ZMYM2: variants seen among roughly 807,000 people sequenced by gnomAD.
The protein encoded by ZMYM2 is zinc finger MYM-type containing 2.
A neutral mutation model predicts 162.8 loss-of-function variants in ZMYM2; 56 were observed. The ratio of observed to expected loss-of-function variants is 0.34; its 90% CI spans 0.28 to 0.43. The LOEUF (loss-of-function observed/expected upper bound fraction) is 0.43, where lower values mean the gene tolerates loss of function less well. ZMYM2 is among the 20% of genes least tolerant of loss of function. The pLI is 1.00. For missense variants in ZMYM2, 1,275 were observed against 1,621.8 expected (o/e 0.79, Z 3.67); for synonymous variants, 510 against 541.6 (o/e 0.94, Z 0.81).
At chr13:19,977,486 C>T (rs1956892334) in intron 2 of ZMYM2, among the ~76,000 whole-genome samples, 2 of 149,334 alleles carry the variant, frequency 1.3e-5, no homozygotes, top group African/African-American at 2.5e-5. Context: ...ATGTTTTTTC[C>T]TTTCCATTTC....
At chr13:19,985,576 G>A (rs866349068) in intron 2 of ZMYM2, among the ~76,000 whole-genome samples, 6 of 152,126 alleles carry the variant, frequency 3.9e-5, no homozygotes, top group African/African-American at 1.4e-4. Flanking sequence ...GCACAGTGGC[G>A]CCTGTAATCC....
the ZMYM2 span, among the ~76,000 whole-genome samples, chr13:19,903,466 C>G: frequency 7.1e-6 from 1 of 140,976 alleles, no homozygotes; most frequent in East Asian, 2.0e-4. Context: ...GGTGAAACCC[C>G]ATCTCCACTA....
At chr13:19,985,657 A>C (rs1462873214) in intron 2 of ZMYM2, among the ~76,000 whole-genome samples, 1 of 150,710 alleles carries the variant, frequency 6.6e-6, no homozygotes, top group Non-Finnish European at 1.5e-5. Flanking sequence ...AGCCGAGATC[A>C]TGCCACGGCA....
the ZMYM2 span, among the ~76,000 whole-genome samples, chr13:19,947,410 C>A: frequency 6.7e-6 from 1 of 149,884 alleles, no homozygotes; most frequent in Non-Finnish European, 1.5e-5. Flanking sequence ...GATGTAGGCA[C>A]GTATTACTCC....
intron 2 of ZMYM2, among the ~76,000 whole-genome samples, chr13:19,962,596 C>G (rs1398595597): frequency 8.0e-6 from 1 of 125,026 alleles, no homozygotes; most frequent in Non-Finnish European, 1.6e-5. Context: ...GTGATCTTGG[C>G]TCACTGCAAC....
At chr13:20,052,528 G>A (rs1955456876) in intron 14 of ZMYM2, among the ~76,000 whole-genome samples, 1 of 151,976 alleles carries the variant, frequency 6.6e-6, no homozygotes, top group Admixed American at 6.5e-5. Flanking sequence ...TACTCACAAT[G>A]GGGCGATAGA....
At chr13:20,024,547 A>G (rs868778624) in intron 7 of ZMYM2, 4 of 223,618 alleles carry the variant, frequency 1.8e-5, no homozygotes, top group Middle Eastern at 2.8e-3. Context: ...CTTGCAACAT[A>G]GTGGCAGTTG....
At chr13:19,907,030 A>G in the ZMYM2 span, among the ~76,000 whole-genome samples, 3 of 152,084 alleles carry the variant, frequency 2.0e-5, no homozygotes, top group African/African-American at 7.2e-5. Flanking sequence ...CTGGACTGCA[A>G]TTTTGTTTCT....
chr13:19,911,619 A>T, the ZMYM2 span, among the ~76,000 whole-genome samples: 1 of 152,202 alleles, frequency 6.6e-6, no homozygotes, highest in Admixed American at 6.6e-5. Flanking sequence ...GTGGCCTGCC[A>T]GTCAAATTGT....
rs369364385 is a variant in ZMYM2 at position 20,051,253 on chromosome 13, G to GCATCTTTTTTTTTTTTT, written c.2293-180_2293-179insCATCTTTTTTTTTTTTT. Among the ~76,000 whole-genome samples, 11 of 74,208 alleles carry GCATCTTTTTTTTTTTTT rather than the reference G, an allele frequency of 1.5e-4. 2 individuals carry two copies. The highest frequency in any genetic ancestry group is 1.3e-4 in the African/African-American group (3 of 23,214). The allele number at this position is 74,208 out of a possible 152,430, so 48.7% of individuals were successfully genotyped here. On this transcript the variant is annotated intron_variant, in intron 12 of 24. Coordinates refer to ENST00000610343, the MANE Select transcript of ZMYM2 (RefSeq NM_197968.4). ...GATGGACTTTGTCAACTGTGAAATT[G>GCATCTTTTTTTTTTTTT]TATTTTTTTTTTTTTTTTTCATTTA...
chr13:19,967,171 T>TA (rs1397213711), intron 2 of ZMYM2, among the ~76,000 whole-genome samples: 3 of 152,164 alleles, frequency 2.0e-5, no homozygotes, highest in Non-Finnish European at 4.4e-5. Context: ...TTGCTTTTTT[T>TA]AAAAAAAGAG....
At chr13:19,976,887 A>G (rs924222806) in intron 2 of ZMYM2, among the ~76,000 whole-genome samples, 3 of 152,186 alleles carry the variant, frequency 2.0e-5, no homozygotes, top group African/African-American at 7.2e-5. Context: ...TTCAGCTATT[A>G]TCATAGAGTT....
At chr13:20,058,349 A>C (rs1955966419) in intron 14 of ZMYM2, among the ~76,000 whole-genome samples, 2 of 152,218 alleles carry the variant, frequency 1.3e-5, no homozygotes, top group African/African-American at 4.8e-5. Flanking sequence ...AAGGTGATAT[A>C]AATCTATAGA....
At chr13:20,041,632 C>T (rs1349681071) in intron 12 of ZMYM2, among the ~76,000 whole-genome samples, 1 of 152,102 alleles carries the variant, frequency 6.6e-6, no homozygotes, top group East Asian at 1.9e-4. Flanking sequence ...TATGTGGTTG[C>T]TTTATAGTGT....
the ZMYM2 span, among the ~76,000 whole-genome samples, chr13:19,944,354 C>A: frequency 2.0e-5 from 3 of 152,092 alleles, no homozygotes; most frequent in East Asian, 3.8e-4. Flanking sequence ...TCACTGTAAT[C>A]TGACTCTGTT....
intron 2 of ZMYM2, 144 bp downstream of exon 2, chr13:19,960,170 T>A (rs1311341801): frequency 2.0e-5 from 3 of 152,194 alleles, no homozygotes; most frequent in Non-Finnish European, 4.4e-5. Flanking sequence ...GAAGCCTGGG[T>A]AATGGCTGGT....
At chr13:20,018,628 T>C (rs1471728057) in intron 6 of ZMYM2, among the ~76,000 whole-genome samples, 1 of 152,234 alleles carries the variant, frequency 6.6e-6, no homozygotes, top group African/African-American at 2.4e-5. Flanking sequence ...GGAGACTGTA[T>C]AATGCTTGTC....
the ZMYM2 span, among the ~76,000 whole-genome samples, chr13:19,936,852 T>C: frequency 6.6e-6 from 1 of 152,146 alleles, no homozygotes; most frequent in Non-Finnish European, 1.5e-5. Context: ...ATAGATTTAC[T>C]AAAATATACC....
At chr13:19,946,065 C>G in the ZMYM2 span, among the ~76,000 whole-genome samples, 3 of 151,650 alleles carry the variant, frequency 2.0e-5, no homozygotes, top group African/African-American at 7.3e-5. Context: ...TAACTATCAT[C>G]AACTCACTTC....
Sources: gnomAD v4.1 joint callset for allele counts (sites outside exome capture counted in the v4.1 genomes callset) on GRCh38, gnomAD v4.1.1 for gene constraint, MANE v1.5 for transcripts, NCBI Gene and HGNC (gene_info 2026-07-23, HGNC 2026-07-21) for gene names.